The following STS variants were observed in gnomAD, a reference collection of about 807,000 sequenced individuals.
The protein encoded by STS is steryl-sulfatase.
In STS, 7 loss-of-function variants were observed where a neutral mutation model predicts 26.8. That is an observed-to-expected ratio of 0.26 (90% confidence interval 0.15 to 0.49). The LOEUF is 0.49. STS is among the 20% of genes least tolerant of loss of function. The probability of loss-of-function intolerance (pLI) is 0.98; values close to 1 mark genes in which losing one functional copy is unlikely to be tolerated. For missense variants in STS, 434 were observed against 465.6 expected, an observed-to-expected ratio of 0.93 and a Z score of 0.63; for synonymous variants, 199 against 189.4, an observed-to-expected ratio of 1.05 and a Z score of -0.42.
At chrX:7,244,367 G>A (rs761286614) in intron 2 of STS, among the ~76,000 whole-genome samples, 2 of 111,932 alleles carry the variant, frequency 1.8e-5, no homozygotes, top group African/African-American at 3.3e-5. Flanking sequence ...TGTTATACCC[G>A]AGAAACATTG....
chrX:7,178,343 T>C (rs1427722630), intron 1 of STS, among the ~76,000 whole-genome samples: 1 of 112,102 alleles, frequency 8.9e-6, no homozygotes, highest in Non-Finnish European at 1.9e-5. Flanking sequence ...ATGCTACCTT[T>C]GGTGTTTGTT....
At chrX:7,161,251 G>A (rs1933238852) in intron 1 of STS, among the ~76,000 whole-genome samples, 1 of 111,382 alleles carries the variant, frequency 9.0e-6, no homozygotes. Flanking sequence ...ACATGCATGA[G>A]CCACTGCATC....
At chrX:7,187,518 T>G (rs1933795577) in intron 1 of STS, among the ~76,000 whole-genome samples, 1 of 112,376 alleles carries the variant, frequency 8.9e-6, no homozygotes, top group African/African-American at 3.2e-5. Context: ...ACAGTCAGTC[T>G]TCTTTAATAA....
intron 5 of STS, among the ~76,000 whole-genome samples, chrX:7,258,076 C>A (rs144230642): frequency 0.011 from 979 of 92,956 alleles, 3 homozygotes; most frequent in South Asian, 0.021. Flanking sequence ...AGCTAGCTAG[C>A]TAGATAGATA....
At chrX:7,201,001 G>A (rs1240745601) in intron 2 of STS, among the ~76,000 whole-genome samples, 9 of 110,252 alleles carry the variant, frequency 8.2e-5, no homozygotes, top group Admixed American at 5.8e-4. Context: ...AGACAGATAC[G>A]TAGATAAATG....
chrX:7,314,724 A>G (rs765089935), intron 8 of STS, among the ~76,000 whole-genome samples: 1 of 112,544 alleles, frequency 8.9e-6, no homozygotes, highest in Non-Finnish European at 1.9e-5. Context: ...CCGTAATGGG[A>G]GGCTTGAATT....
intron 7 of STS, among the ~76,000 whole-genome samples, chrX:7,301,526 A>G (rs1241800750): frequency 1.8e-5 from 2 of 111,904 alleles, no homozygotes; most frequent in African/African-American, 3.2e-5. Flanking sequence ...TTCATGTGGT[A>G]TATTTGTTAC....
intron 1 of STS, among the ~76,000 whole-genome samples, chrX:7,164,741 C>T (rs1933315176): frequency 9.1e-6 from 1 of 110,209 alleles, no homozygotes; most frequent in South Asian, 3.9e-4. Context: ...CATGGTGGCT[C>T]TCACGCCTGG....
chrX:7,278,429 T>C (rs147702333), intron 7 of STS, among the ~76,000 whole-genome samples: 137 of 112,292 alleles, frequency 1.2e-3, no homozygotes, highest in African/African-American at 4.3e-3. Flanking sequence ...TCAGAGCATG[T>C]TCTCTCCACA....
intron 10 of STS, among the ~76,000 whole-genome samples, chrX:7,348,865 A>G (rs1178729623): frequency 1.2e-4 from 13 of 111,989 alleles, no homozygotes; most frequent in African/African-American, 4.2e-4. Context: ...CTTTCAGAAC[A>G]TCTCCTTCAT....
intron 7 of STS, among the ~76,000 whole-genome samples, chrX:7,285,218 A>G (rs371535964): frequency 1.8e-5 from 2 of 111,583 alleles, no homozygotes; most frequent in East Asian, 5.6e-4. Context: ...GATGGCTAGG[A>G]TTTTAATCTT....
intron 8 of STS, among the ~76,000 whole-genome samples, chrX:7,324,999 G>C (rs1214907548): frequency 9.0e-6 from 1 of 110,881 alleles, no homozygotes; most frequent in African/African-American, 3.3e-5. Context: ...TGCCACAGCT[G>C]GTGTAAAGTA....
intron 2 of STS, among the ~76,000 whole-genome samples, chrX:7,228,097 T>A (rs1921898400): frequency 9.0e-6 from 1 of 111,639 alleles, no homozygotes; most frequent in Non-Finnish European, 1.9e-5. Flanking sequence ...TAGACCATGT[T>A]TTTTTTTGTT....
chrX:7,340,673 A>T lies in STS; in HGVS notation c.1363+6566A>T, dbSNP rs191027666. ...GCTGTAACAAAAAACAATAAAAAAA[A>T]ACAGTAGTTTACATTAGAGAGAAGT... is the stretch of plus-strand genomic sequence containing the variant. On this transcript the variant is annotated intron_variant, in intron 10 of 10. Coordinates refer to ENST00000674429, the MANE Select transcript of STS (RefSeq NM_001320752.2). Among the ~76,000 whole-genome samples, 297 of 112,216 alleles carry T rather than the reference A, an allele frequency of 2.6e-3. 1 individual carries two copies. The highest frequency in any genetic ancestry group is 9.0e-3 in the African/African-American group (278 of 30,902).
At chrX:7,201,558 T>C (rs1320663660) in intron 2 of STS, among the ~76,000 whole-genome samples, 2 of 110,286 alleles carry the variant, frequency 1.8e-5, no homozygotes, top group Admixed American at 1.9e-4. Flanking sequence ...GAATGAAATT[T>C]CATTTCCATC....
At chrX:7,334,512 G>T (rs139384082) in intron 10 of STS, among the ~76,000 whole-genome samples, 2,286 of 111,901 alleles carry the variant, frequency 0.02, 26 homozygotes, top group Non-Finnish European at 0.032. Context: ...ACACTTGCAG[G>T]CTCTTCTCCT....
intron 2 of STS, among the ~76,000 whole-genome samples, chrX:7,211,372 G>T (rs1921025182): frequency 9.0e-6 from 1 of 111,341 alleles, no homozygotes; most frequent in African/African-American, 3.3e-5. Context: ...GTGCATGTTG[G>T]TAGAACTCAG....
chrX:7,310,429 A>G (rs1926425212), intron 8 of STS, among the ~76,000 whole-genome samples: 1 of 111,887 alleles, frequency 8.9e-6, no homozygotes, highest in Non-Finnish European at 1.9e-5. Context: ...ATCTATTTGG[A>G]TCAGCCTGGT....
intron 7 of STS, among the ~76,000 whole-genome samples, chrX:7,281,613 G>A (rs1435492554): frequency 8.9e-6 from 1 of 112,048 alleles, no homozygotes; most frequent in Admixed American, 9.4e-5. Flanking sequence ...CGTCTTGAGG[G>A]ATGGAGAATA....
Sources: gnomAD v4.1 joint callset for allele counts (sites outside exome capture counted in the v4.1 genomes callset) on GRCh38, gnomAD v4.1.1 for gene constraint, MANE v1.5 for transcripts, NCBI Gene and HGNC (gene_info 2026-07-23, HGNC 2026-07-21) for gene names.